VCAN: variants seen among roughly 807,000 people sequenced by gnomAD.
VCAN encodes the protein versican core protein.
In VCAN, 44 loss-of-function variants were observed where a neutral mutation model predicts 245.5. That is an observed-to-expected ratio of 0.18 (90% CI 0.14 to 0.23). The LOEUF (loss-of-function observed/expected upper bound fraction) is 0.23. VCAN is among the 10% of genes least tolerant of loss of function. The pLI, the probability that VCAN is intolerant of heterozygous loss-of-function variation, is 1.00. For synonymous variants in VCAN, 1,413 were observed against 1,437.0 expected, an observed-to-expected ratio of 0.98 and a Z score of 0.38; for missense variants, 3,793 against 4,057.9, an observed-to-expected ratio of 0.93 and a Z score of 1.77.
In VCAN at chr5:83,538,723, T is replaced by C; in HGVS notation, c.5720T>C (p.Val1907Ala). ...ATAACCCAAACATCCAGGGAAATAG[T>C]GATTTCAGAGCGATTAGGAGAACCA... ...ENITQTSREI[V>A]ISERLGEPNY... The change falls in exon 8 of 15, where the codon GTG (valine) becomes GCG (alanine). Residue 1907 changes from valine (V) to alanine (A), a missense_variant. Coordinates refer to ENST00000265077, the MANE Select transcript of VCAN (RefSeq NM_004385.5). 1 of 1,614,040 alleles carries C rather than the reference T, an allele frequency of 6.2e-7. No homozygotes were observed. Among genetic ancestry groups the C allele is most frequent in the Non-Finnish European group, 8.5e-7 (1 of 1,179,976 alleles).
At chr5:83,561,516 C>T (rs1246439770) in intron 12 of VCAN, among the ~76,000 whole-genome samples, 1 of 152,082 alleles carries the variant, frequency 6.6e-6, no homozygotes, top group Non-Finnish European at 1.5e-5. Flanking sequence ...TCAGCTTTGG[C>T]AACTTAATAC....
chr5:83,531,702 G>T (rs962298156), intron 7 of VCAN, among the ~76,000 whole-genome samples: 1 of 152,102 alleles, frequency 6.6e-6, no homozygotes, highest in African/African-American at 2.4e-5. Context: ...TTAACCAGCT[G>T]CCTATGCATC....
At position 83,539,409 on chromosome 5, in the gene VCAN, GAACA is replaced by G; in HGVS notation, c.6412_6415del (p.Thr2138SerfsTer20). On this transcript the variant is annotated frameshift_variant, in exon 8 of 15. Transcript: ENST00000265077. LOFTEE classifies it high-confidence loss of function. ...ATCCCCTCAAAACTCTCCTGCAACA[GAACA>G]AACAATCTTTGATTCACAGACATTT... 6.2e-7 allele frequency: 1 copy of G among 1,613,790 alleles called. No homozygotes were observed. The highest frequency in any genetic ancestry group is 8.5e-7 in the Non-Finnish European group (1 of 1,179,922).
chr5:83,576,410 T>A (rs1178292335), intron 13 of VCAN, among the ~76,000 whole-genome samples: 1 of 152,186 alleles, frequency 6.6e-6, no homozygotes, highest in African/African-American at 2.4e-5. Context: ...ATGTTCTTTG[T>A]TTTTGTTTCT....
At chr5:83,509,144 C>G (rs551494575) in intron 5 of VCAN, among the ~76,000 whole-genome samples, 1 of 152,204 alleles carries the variant, frequency 6.6e-6, no homozygotes, top group East Asian at 1.9e-4. Context: ...TTAGGGATAA[C>G]AGAATTTAAT....
chr5:83,482,045 G>T (rs551611258), intron 1 of VCAN, among the ~76,000 whole-genome samples: 1 of 152,150 alleles, frequency 6.6e-6, no homozygotes, highest in East Asian at 1.9e-4. Context: ...AAAAAGTCAC[G>T]ATTTTATTGG....
chr5:83,559,709 A>G (rs563087327), intron 12 of VCAN, among the ~76,000 whole-genome samples: 87 of 152,180 alleles, frequency 5.7e-4, no homozygotes, highest in African/African-American at 1.8e-3. Flanking sequence ...TGTGAAATCA[A>G]CTTCCTGACA....
At chr5:83,485,328 C>T (rs375451965) in intron 2 of VCAN, among the ~76,000 whole-genome samples, 6 of 150,026 alleles carry the variant, frequency 4.0e-5, no homozygotes, top group Non-Finnish European at 7.4e-5. Context: ...TGTTTGAACC[C>T]GGGAGGTGGA....
At chr5:83,497,601 T>G (rs1057132724) in intron 5 of VCAN, among the ~76,000 whole-genome samples, 1 of 152,194 alleles carries the variant, frequency 6.6e-6, no homozygotes, top group African/African-American at 2.4e-5. Context: ...TAGAATGCTA[T>G]TATTAAGAAA....
intron 1 of VCAN, among the ~76,000 whole-genome samples, chr5:83,482,946 G>A (rs1446525654): frequency 1.3e-5 from 2 of 152,160 alleles, no homozygotes; most frequent in Non-Finnish European, 2.9e-5. Flanking sequence ...AAACTACATG[G>A]AGTCTGTGCT....
intron 13 of VCAN, 56 bp from the exon 14 acceptor site, chr5:83,579,924 C>A (rs1158950445): frequency 1.3e-6 from 2 of 1,562,264 alleles, no homozygotes; most frequent in African/African-American, 2.7e-5. Context: ...ATAAGAGACT[C>A]ATATTAGTTG....
chr5:83,526,368 T>C (rs1195279086), intron 7 of VCAN, among the ~76,000 whole-genome samples: 2 of 152,248 alleles, frequency 1.3e-5, no homozygotes, highest in African/African-American at 4.8e-5. Context: ...TCTGATTTGT[T>C]ATTATAAGAT....
intron 9 of VCAN, among the ~76,000 whole-genome samples, chr5:83,547,591 G>A (rs988869297): frequency 4.7e-4 from 71 of 152,268 alleles, no homozygotes; most frequent in African/African-American, 1.7e-3. Context: ...ATCAGAGAAT[G>A]AGCCATGATT....
In VCAN at chr5:83,555,017, T is replaced by C. The variant is rs750797052; in HGVS notation, c.9714T>C (p.Arg3238=). ...ACAAGATGTTTGAGCATGACTTCCG[T>C]TGGACTGATGGCAGCACACTGGTAA... The part of the protein sequence containing the change: ...LNDKMFEHDF[R]WTDGSTLQYE... Residue 3238 remains arginine (R), a synonymous_variant, in exon 12 of 15, where the codon CGT becomes CGC. Coordinates refer to ENST00000265077, the MANE Select transcript of VCAN (RefSeq NM_004385.5). 1.2e-6 allele frequency: 2 copies of C among 1,613,588 alleles called. No individual in the cohort carries two copies. Among genetic ancestry groups the C allele is most frequent in the Admixed American group, 1.7e-5 (1 of 59,992 alleles).
Position 83,572,459 on chromosome 5 carries a change from C to T in VCAN, c.9779C>T (p.Ser3260Phe). The change falls in exon 13 of 15, where the codon TCT (serine) becomes TTT (phenylalanine). Residue 3260 changes from serine to phenylalanine, a missense_variant. Physicochemically the swap from Ser to Phe is radical, Grantham distance 155 (BLOSUM62 -2). Coordinates refer to ENST00000265077, the MANE Select transcript of VCAN (RefSeq NM_004385.5). ...CCCAACCAGCCAGACAGCTTCTTTT[C>T]TGCTGGAGAAGACTGTGTTGTAATC... Reference protein sequence around the residue: ...WRPNQPDSFFSAGEDCVVIIW... With the variant: ...WRPNQPDSFFFAGEDCVVIIW... 6.2e-7 allele frequency: 1 copy of T among 1,613,952 alleles called. No homozygotes were observed. The highest frequency in any genetic ancestry group is 8.5e-7 in the Non-Finnish European group (1 of 1,179,884).
chr5:83,525,776 T>C (rs1240659246), intron 7 of VCAN, among the ~76,000 whole-genome samples: 1 of 152,166 alleles, frequency 6.6e-6, no homozygotes, highest in Non-Finnish European at 1.5e-5. Flanking sequence ...AAATTATTAA[T>C]GTAATGCTAT....
intron 3 of VCAN, among the ~76,000 whole-genome samples, chr5:83,491,667 G>T (rs1320356156): frequency 6.6e-6 from 1 of 151,888 alleles, no homozygotes; most frequent in Non-Finnish European, 1.5e-5. Context: ...ATTAGCAATG[G>T]ATTTGCCCCT....
At position 83,519,765 on chromosome 5, in the gene VCAN, G is replaced by A; in HGVS notation, c.1459G>A (p.Val487Ile). The stretch of plus-strand genomic sequence containing the variant: ...GGAAGATAAACAAACACAAGAATCG[G>A]TTACACAGATTGAACAAATAGAAGT... Reference protein sequence around the residue: ...VVEDKQTQESVTQIEQIEVGP... With the variant: ...VVEDKQTQESITQIEQIEVGP... Residue 487 changes from valine to isoleucine, a missense_variant, in exon 7 of 15, where the codon GTT becomes ATT. Physicochemically the swap from Val to Ile is conservative, Grantham distance 29. Transcript: ENST00000265077. The A allele has an allele frequency of 6.2e-7, 1 of 1,614,136 alleles. No individual in the cohort carries two copies. Among genetic ancestry groups the A allele is most frequent in the Non-Finnish European group, 8.5e-7 (1 of 1,179,994 alleles).
chr5:83,496,237 T>C (rs548910547), intron 5 of VCAN, among the ~76,000 whole-genome samples: 60 of 152,348 alleles, frequency 3.9e-4, no homozygotes, highest in African/African-American at 1.4e-3. Flanking sequence ...ATATCTCCCA[T>C]GACGAGGGAT....
Sources: allele counts gnomAD v4.1 joint callset (sites outside exome capture counted in the v4.1 genomes callset), GRCh38; gene constraint gnomAD v4.1.1; transcripts MANE v1.5; gene names NCBI Gene and HGNC (gene_info 2026-07-23, HGNC 2026-07-21).